Variants in CSMD3 observed in about 807,000 individuals in gnomAD.
CSMD3 encodes CUB and sushi domain-containing protein 3.
Under a neutral mutation model 435.2 loss-of-function variants are expected in CSMD3, and 177 were observed. The ratio of observed to expected loss-of-function variants is 0.41; its 90% CI spans 0.36 to 0.46. The LOEUF (loss-of-function observed/expected upper bound fraction) is 0.46. Ranked by LOEUF, CSMD3 falls within the 20% of genes least tolerant of loss-of-function variation. The pLI is 0.34. For synonymous variants in CSMD3, 1,656 were observed against 1,520.5 expected (o/e 1.09, Z -2.07); for missense variants, 4,265 against 4,504.6 (o/e 0.95, Z 1.52).
chr8:113,384,994 T>C (rs1027791173), intron 1 of CSMD3, among the ~76,000 whole-genome samples: 1 of 152,116 alleles, frequency 6.6e-6, no homozygotes, highest in African/African-American at 2.4e-5. Flanking sequence ...ATATGCATAA[T>C]GATAATGCAA....
At chr8:113,405,946 C>T (rs553331103) in intron 1 of CSMD3, among the ~76,000 whole-genome samples, 11 of 151,770 alleles carry the variant, frequency 7.2e-5, no homozygotes, top group South Asian at 4.1e-4. Context: ...AGCTGTTTTA[C>T]GAGTTGCATT....
At chr8:113,101,187 A>C (rs2090320265) in intron 4 of CSMD3, among the ~76,000 whole-genome samples, 1 of 152,092 alleles carries the variant, frequency 6.6e-6, no homozygotes, top group Non-Finnish European at 1.5e-5. Flanking sequence ...ACTGTGGGTG[A>C]CTGTGTCTCT....
At chr8:113,037,078 T>C (rs2087386357) in intron 5 of CSMD3, among the ~76,000 whole-genome samples, 1 of 152,110 alleles carries the variant, frequency 6.6e-6, no homozygotes, top group South Asian at 2.1e-4. Context: ...AAATTTTTCA[T>C]GGTATGTGGC....
intron 3 of CSMD3, among the ~76,000 whole-genome samples, chr8:113,216,478 T>G (rs1238425292): frequency 2.0e-5 from 3 of 151,968 alleles, no homozygotes; most frequent in Non-Finnish European, 4.4e-5. Flanking sequence ...CATTGTATTT[T>G]CTCAGTTGTG....
At position 112,335,409 on chromosome 8, in the gene CSMD3, A is replaced by G; in HGVS notation, c.7085T>C (p.Val2362Ala). ...QFSGNTALES[V>A]YSTSNQILIK... ...TAGAATCTGATTTGAAGTACTGTAG[A>G]CTGATTCCAAAGCGGTATTGCCACT... The change falls in exon 45 of 71, where the codon GTC becomes GCC. Residue 2362 changes from valine to alanine, a missense_variant. By Grantham distance (64) the Val-to-Ala change is moderately conservative (BLOSUM62 0). Transcript: ENST00000297405. 1.2e-6 allele frequency: 2 copies of G among 1,613,946 alleles called. No individual in the cohort carries two copies. The highest frequency in any genetic ancestry group is 2.2e-5 in the South Asian group (2 of 91,080).
In CSMD3 at chr8:113,336,990, T is replaced by G. The variant is rs573243577; in HGVS notation, c.179-22197A>C. ...AGGGTGGAAGCCACATATTTTTCTG[T>G]GTTGTTTGGCTGGTATAGGACATAT... On this transcript the variant is annotated intron_variant, in intron 1 of 70. Coordinates refer to ENST00000297405, the MANE Select transcript of CSMD3 (RefSeq NM_198123.2). 1.2e-4 allele frequency among the ~76,000 whole-genome samples: 18 copies of G among 152,264 alleles called. No homozygotes were observed. The South Asian group carries it at 3.7e-3, about 32-fold the overall frequency.
rs1366774976 is a variant in CSMD3 at position 112,976,028 on chromosome 8, G to C, written c.1151C>G (p.Ala384Gly). 1.9e-6 allele frequency: 3 copies of C among 1,613,934 alleles called. No homozygotes were observed. Among genetic ancestry groups the C allele is most frequent in the Admixed American group, 1.7e-5 (1 of 59,982 alleles). Residue 384 changes from alanine to glycine, a missense_variant, in exon 7 of 71, where the codon GCT (alanine) becomes GGT (glycine). Ala to Gly is a moderately conservative substitution (Grantham distance 60). Around this residue, in one of 3 missense-constraint regions of CSMD3, gnomAD observed 731 missense variants for 755.4 expected, o/e 0.97. Transcript: ENST00000297405. ...CTCGGAAAGTCTATGGATGGTGACA[G>C]CTGTAACACTGGATACAGTAACATC... ...PADVTVSSVT[A>G]VTIHRLSEEQ...
At chr8:113,220,013 T>C (rs1481365846) in intron 3 of CSMD3, among the ~76,000 whole-genome samples, 1 of 151,522 alleles carries the variant, frequency 6.6e-6, no homozygotes, top group Non-Finnish European at 1.5e-5. Flanking sequence ...CTTAAACACG[T>C]GAAAAGATGT....
Position 112,472,665 on chromosome 8 carries a change from A to AT in CSMD3, c.5320_5321insA (p.Leu1774HisfsTer14). On this transcript the variant is annotated frameshift_variant, in exon 32 of 71. Coordinates refer to ENST00000297405, the MANE Select transcript of CSMD3 (RefSeq NM_198123.2). LOFTEE classifies it high-confidence loss of function. Reference sequence around the variant, plus strand: ...GTAATTTTTTGGATAGTTTGGTGATAGAACAGTGCCTTCTGAACCTGTTGA... The same window carrying AT: ...GTAATTTTTTGGATAGTTTGGTGATATGAACAGTGCCTTCTGAACCTGTTGA... 1 of 1,612,302 alleles carries AT rather than the reference A, an allele frequency of 6.2e-7. No homozygotes were observed. The highest frequency in any genetic ancestry group is 8.5e-7 in the Non-Finnish European group (1 of 1,178,552).
Position 112,351,182 on chromosome 8 carries a change from A to G in CSMD3, c.6318T>C (p.Ile2106=). The G allele has an allele frequency of 6.3e-7, 1 of 1,594,530 alleles. No homozygotes were observed. The highest frequency in any genetic ancestry group is 8.6e-7 in the Non-Finnish European group (1 of 1,162,586). The change falls in exon 40 of 71, where the codon ATT becomes ATC. Residue 2106 remains isoleucine (I), a synonymous_variant. Transcript: ENST00000297405. ...TATAGTCTTTTAACTTACCTAAACA[A>G]ATTGGGATTGGATAATTCCATCTTC... ...PVRRWNYPIP[I]CLAQCGGAMS...
At position 112,409,084 on chromosome 8, in the gene CSMD3, G is replaced by A. The variant is rs554687668; in HGVS notation, c.5396-52C>T. ...AACAAATCACCAACCATCCAAAAACGAAAACAAAAAACAAAAAAATAGAAA... is the reference window on the plus strand; with the variant it reads ...AACAAATCACCAACCATCCAAAAACAAAAACAAAAAACAAAAAAATAGAAA... On this transcript the variant is annotated intron_variant, in intron 32 of 70. Coordinates refer to ENST00000297405, the MANE Select transcript of CSMD3 (RefSeq NM_198123.2). The A allele has an allele frequency of 1.9e-5, 31 of 1,607,386 alleles. No homozygotes were observed. In the African/African-American group the frequency reaches 2.0e-4, roughly 10 times the overall value.
At chr8:112,594,128 T>G (rs1269333507) in intron 22 of CSMD3, among the ~76,000 whole-genome samples, 2 of 151,784 alleles carry the variant, frequency 1.3e-5, no homozygotes, top group African/African-American at 2.4e-5. Flanking sequence ...CACTAGGGAG[T>G]GCCAGACAGT....
intron 10 of CSMD3, among the ~76,000 whole-genome samples, chr8:112,878,378 T>A (rs576555631): frequency 6.6e-6 from 1 of 152,100 alleles, no homozygotes; most frequent in Non-Finnish European, 1.5e-5. Flanking sequence ...TACCATCTCA[T>A]GTCAGTTAGA....
In CSMD3 at chr8:112,321,368, G is replaced by C. The variant is rs151229648; in HGVS notation, c.7166-1387C>G. ...TCTATTGCAAAAAAGTATTATGGGA[G>C]TATTGAAAAGCATCAACTAGACCAG... On this transcript the variant is annotated intron_variant, in intron 45 of 70. Coordinates refer to ENST00000297405, the MANE Select transcript of CSMD3 (RefSeq NM_198123.2). 7.5e-3 allele frequency among the ~76,000 whole-genome samples: 1,147 copies of C among 152,180 alleles called. 21 individuals carry two copies. Among genetic ancestry groups the C allele is most frequent in the African/African-American group, 0.026 (1,074 of 41,506 alleles).
At chr8:112,550,395 A>G (rs1827573606) in intron 27 of CSMD3, among the ~76,000 whole-genome samples, 1 of 148,898 alleles carries the variant, frequency 6.7e-6, no homozygotes, top group Admixed American at 6.7e-5. Flanking sequence ...TTGTGATGTA[A>G]TTTTTTTTTT....
intron 13 of CSMD3, among the ~76,000 whole-genome samples, chr8:112,704,062 G>A (rs1178972487): frequency 6.6e-6 from 1 of 152,092 alleles, no homozygotes; most frequent in East Asian, 1.9e-4. Flanking sequence ...AGCTAATATA[G>A]AACATCTGCA....
At chr8:112,990,946 A>T (rs2085434521) in intron 6 of CSMD3, among the ~76,000 whole-genome samples, 1 of 151,802 alleles carries the variant, frequency 6.6e-6, no homozygotes, top group Non-Finnish European at 1.5e-5. Context: ...ACATTTTTTT[A>T]AAATCCTGAA....
chr8:113,149,899 A>G (rs2091765969), intron 4 of CSMD3, among the ~76,000 whole-genome samples: 1 of 151,988 alleles, frequency 6.6e-6, no homozygotes, highest in African/African-American at 2.4e-5. Context: ...AGAATTCATT[A>G]GTAAAACACT....
chr8:113,256,931 A>T (rs570778526), intron 3 of CSMD3, among the ~76,000 whole-genome samples: 86 of 152,326 alleles, frequency 5.6e-4, no homozygotes, highest in African/African-American at 1.9e-3. Context: ...AAGAATCAGC[A>T]GTTTAGCCAG....
Sources: gnomAD v4.1 joint callset for allele counts (sites outside exome capture counted in the v4.1 genomes callset) on GRCh38, gnomAD v4.1.1 for gene constraint, gnomAD v4.1.1 regional missense constraint, MANE v1.5 for transcripts, NCBI Gene and HGNC (gene_info 2026-07-23, HGNC 2026-07-21) for gene names.